FHIT: variants seen among roughly 807,000 people sequenced by gnomAD.
FHIT encodes bis(5'-adenosyl)-triphosphatase.
A neutral mutation model predicts 17.9 loss-of-function variants in FHIT; 19 were observed. That is an observed-to-expected ratio of 1.06 (90% confidence interval 0.74 to 1.56). The LOEUF (loss-of-function observed/expected upper bound fraction) is 1.56, where lower values mean the gene tolerates loss of function less well. FHIT is among the 40% of genes most tolerant of loss of function. The pLI is 0.00. For synonymous variants in FHIT, 81 were observed against 69.7 expected, an observed-to-expected ratio of 1.16 and a Z score of -0.81; for missense variants, 248 against 189.2, an observed-to-expected ratio of 1.31 and a Z score of -1.82.
chr3:60,714,661 T>G (rs1192913203), intron 4 of FHIT, among the ~76,000 whole-genome samples: 2 of 152,076 alleles, frequency 1.3e-5, no homozygotes, highest in Non-Finnish European at 2.9e-5. Context: ...GAGAGCCAAA[T>G]CATGAGTGAA....
At chr3:60,110,069 G>A (rs949771768) in intron 5 of FHIT, among the ~76,000 whole-genome samples, 2 of 152,180 alleles carry the variant, frequency 1.3e-5, no homozygotes, top group South Asian at 4.2e-4. Context: ...CAATGTTATG[G>A]CTATAAAGGA....
At chr3:60,498,242 T>G (rs994338930) in intron 5 of FHIT, among the ~76,000 whole-genome samples, 3 of 152,244 alleles carry the variant, frequency 2.0e-5, no homozygotes, top group African/African-American at 4.8e-5. Flanking sequence ...GTTTTATGTA[T>G]GTTTTAATCA....
At chr3:60,587,333 A>T (rs782576724) in intron 4 of FHIT, among the ~76,000 whole-genome samples, 10 of 152,006 alleles carry the variant, frequency 6.6e-5, no homozygotes. Context: ...GGGGAACATC[A>T]CACACTGGGG....
At chr3:60,695,773 T>C (rs553105174) in intron 4 of FHIT, among the ~76,000 whole-genome samples, 4 of 152,336 alleles carry the variant, frequency 2.6e-5, no homozygotes, top group Middle Eastern at 3.4e-3. Flanking sequence ...AGCTGTAATC[T>C]TGAGCAACGT....
intron 5 of FHIT, among the ~76,000 whole-genome samples, chr3:60,146,506 G>C (rs1308161372): frequency 6.6e-6 from 1 of 152,060 alleles, no homozygotes; most frequent in Non-Finnish European, 1.5e-5. Flanking sequence ...GACTGCAGAG[G>C]AATGTTCTCA....
At chr3:60,036,930 C>T (rs1701241610) in intron 5 of FHIT, among the ~76,000 whole-genome samples, 1 of 152,176 alleles carries the variant, frequency 6.6e-6, no homozygotes, top group Admixed American at 6.5e-5. Context: ...GTAGTCTTCA[C>T]CACTACTTCC....
intron 5 of FHIT, among the ~76,000 whole-genome samples, chr3:60,034,656 T>C (rs1302910369): frequency 6.6e-6 from 1 of 152,224 alleles, no homozygotes; most frequent in Non-Finnish European, 1.5e-5. Context: ...GGTGACCTTA[T>C]CCAGTATGAC....
chr3:60,378,595 G>C (rs1027327471), intron 5 of FHIT, among the ~76,000 whole-genome samples: 2 of 152,142 alleles, frequency 1.3e-5, no homozygotes, highest in Non-Finnish European at 2.9e-5. Flanking sequence ...TTTAAGGAAA[G>C]GAAGTATCTT....
rs1202819111 is a variant in FHIT, at chr3:60,536,870, C to T, written c.93G>A (p.Val31=). ...LSFALVNRKP[V]VPGHVLVCPL... is the part of the protein sequence containing the mutation. ...AAAAAGAAAGGATACGTCCTGGTAC[C>T]ACAGGTTTCCTATTCACAAGAGCGA... The change falls in exon 5 of 10, where the codon GTG becomes GTA. Residue 31 remains valine (V), a synonymous_variant. Coordinates refer to ENST00000492590, the MANE Select transcript of FHIT (RefSeq NM_002012.4). The T allele has an allele frequency of 6.2e-7, 1 of 1,604,866 alleles. No homozygotes were observed. Among genetic ancestry groups the T allele is most frequent in the East Asian group, 2.2e-5 (1 of 44,728 alleles).
At chr3:60,522,684 T>G (rs1434795494) in intron 5 of FHIT, among the ~76,000 whole-genome samples, 1 of 152,188 alleles carries the variant, frequency 6.6e-6, no homozygotes, top group Non-Finnish European at 1.5e-5. Flanking sequence ...TGCTGTCAAT[T>G]ACATATTCTG....
At chr3:59,762,404 C>T (rs1244077104) in intron 8 of FHIT, among the ~76,000 whole-genome samples, 1 of 152,100 alleles carries the variant, frequency 6.6e-6, no homozygotes, top group African/African-American at 2.4e-5. Context: ...ACTGGCTATG[C>T]TAGCTCATCA....
chr3:61,241,301 A>T (rs1029979335), intron 1 of FHIT, among the ~76,000 whole-genome samples: 7 of 152,144 alleles, frequency 4.6e-5, no homozygotes, highest in Non-Finnish European at 8.8e-5. Context: ...ACCTGTCCTC[A>T]GGGCTCCAAA....
At chr3:60,541,153 G>A (rs1641603741) in intron 4 of FHIT, among the ~76,000 whole-genome samples, 1 of 152,160 alleles carries the variant, frequency 6.6e-6, no homozygotes, top group Non-Finnish European at 1.5e-5. Context: ...CCAGTGATGG[G>A]AAGTTCATCA....
intron 8 of FHIT, among the ~76,000 whole-genome samples, chr3:59,894,148 G>T (rs763309736): frequency 1.3e-5 from 2 of 152,092 alleles, no homozygotes; most frequent in African/African-American, 2.4e-5. Flanking sequence ...GGAGGCTGTG[G>T]TAAGAGGATC....
chr3:59,752,184 C>T (rs781053524), intron 9 of FHIT, 37 bp downstream of exon 9: 23 of 1,465,274 alleles, frequency 1.6e-5, no homozygotes, highest in Admixed American at 1.4e-4. Context: ...CTGAGGCCCA[C>T]GGGAGGGTCT....
chr3:60,665,111 A>G (rs1337097752), intron 4 of FHIT, among the ~76,000 whole-genome samples: 2 of 151,906 alleles, frequency 1.3e-5, no homozygotes, highest in Admixed American at 6.6e-5. Context: ...ATAAATTTTC[A>G]TGTTTTAGAG....
At chr3:60,525,485 T>C (rs1030825226) in intron 5 of FHIT, among the ~76,000 whole-genome samples, 1 of 152,174 alleles carries the variant, frequency 6.6e-6, no homozygotes. Context: ...TAAACAATAA[T>C]TGAAGAATCT....
intron 5 of FHIT, among the ~76,000 whole-genome samples, chr3:60,164,739 A>T (rs897184359): frequency 2.6e-5 from 4 of 152,114 alleles, no homozygotes; most frequent in African/African-American, 9.7e-5. Context: ...GTGCTTTGCC[A>T]GTGTTTTCTC....
chr3:59,792,024 GC>G (rs1699585534), intron 8 of FHIT, among the ~76,000 whole-genome samples: 2 of 55,022 alleles, frequency 3.6e-5, no homozygotes, highest in African/African-American at 8.3e-5. Flanking sequence ...TTTAATCATG[GC>G]TATGGTAGTC....
Sources: allele counts gnomAD v4.1 joint callset (sites outside exome capture counted in the v4.1 genomes callset), GRCh38; gene constraint gnomAD v4.1.1; transcripts MANE v1.5; gene names NCBI Gene and HGNC (gene_info 2026-07-23, HGNC 2026-07-21).